The following CTNNA2 variants were observed in gnomAD, a reference collection of about 807,000 sequenced individuals.
CTNNA2 encodes catenin alpha-2.
Under a neutral mutation model 101.0 loss-of-function variants are expected in CTNNA2, and 42 were observed. The ratio of observed to expected loss-of-function variants is 0.42; its 90% CI spans 0.32 to 0.54. The LOEUF (loss-of-function observed/expected upper bound fraction) is 0.54, where lower values mean the gene tolerates loss of function less well. CTNNA2 is among the 20% of genes least tolerant of loss of function. CTNNA2 has a pLI of 0.14. For missense variants in CTNNA2, 871 were observed against 1,223.1 expected (o/e 0.71, Z 4.29); for synonymous variants, 450 against 456.4 (o/e 0.99, Z 0.18).
At chr2:80,098,807 G>A (rs1193988476) in intron 7 of CTNNA2, among the ~76,000 whole-genome samples, 1 of 152,220 alleles carries the variant, frequency 6.6e-6, no homozygotes, top group African/African-American at 2.4e-5. Context: ...CTCTGAGCCA[G>A]GTGCGGGTTA....
chr2:79,402,839 T>C (rs1678304481), intron 4 of CTNNA2, among the ~76,000 whole-genome samples: 1 of 151,660 alleles, frequency 6.6e-6, no homozygotes, highest in South Asian at 2.1e-4. Context: ...TTCACAAACA[T>C]ATGGAAATTA....
At chr2:79,562,277 C>G (rs545533878) in intron 1 of CTNNA2, among the ~76,000 whole-genome samples, 1 of 152,092 alleles carries the variant, frequency 6.6e-6, no homozygotes, top group Admixed American at 6.6e-5. Context: ...GTCTGTGTGT[C>G]TATCCTTATA....
chr2:79,226,987 C>T (rs554327047), intron 2 of CTNNA2, among the ~76,000 whole-genome samples: 97 of 4,742 alleles, frequency 0.02, 1 homozygote, highest in African/African-American at 0.079. Flanking sequence ...GGACAAATTT[C>T]CTCCAAAAAA....
intron 4 of CTNNA2, among the ~76,000 whole-genome samples, chr2:79,391,078 T>TC (rs35946349): frequency 1.3e-5 from 2 of 152,162 alleles, no homozygotes; most frequent in African/African-American, 4.8e-5. Context: ...TTGCCTACTT[T>TC]CCCCATTCCT....
intron 7 of CTNNA2, among the ~76,000 whole-genome samples, chr2:80,279,839 C>G (rs893048294): frequency 7.2e-5 from 11 of 152,056 alleles, no homozygotes; most frequent in African/African-American, 2.7e-4. Flanking sequence ...TTGTCTCACC[C>G]TGAGGTGGGA....
intron 7 of CTNNA2, among the ~76,000 whole-genome samples, chr2:80,272,811 T>TTATTAAATC (rs1351051140): frequency 6.6e-6 from 1 of 152,222 alleles, no homozygotes; most frequent in East Asian, 1.9e-4. Context: ...GTATTTGTGT[T>TTATTAAATC]TATTAAATCT....
At chr2:80,144,747 A>T (rs534591159) in intron 7 of CTNNA2, among the ~76,000 whole-genome samples, 4 of 152,222 alleles carry the variant, frequency 2.6e-5, no homozygotes, top group Non-Finnish European at 5.9e-5. Flanking sequence ...AATCTTCATT[A>T]ACTGCATTAG....
At chr2:80,565,086 T>C (rs1023875170) in intron 12 of CTNNA2, among the ~76,000 whole-genome samples, 1 of 152,154 alleles carries the variant, frequency 6.6e-6, no homozygotes, top group African/African-American at 2.4e-5. Context: ...GGAAATAGTT[T>C]CAAGAGAATA....
At chr2:80,023,880 G>A (rs371362162) in intron 7 of CTNNA2, among the ~76,000 whole-genome samples, 2 of 152,128 alleles carry the variant, frequency 1.3e-5, no homozygotes, top group East Asian at 3.9e-4. Flanking sequence ...GAGGTCAGGA[G>A]ATCGAGACCA....
chr2:80,472,566 T>C (rs905713695), intron 9 of CTNNA2, among the ~76,000 whole-genome samples: 1 of 152,212 alleles, frequency 6.6e-6, no homozygotes, highest in Non-Finnish European at 1.5e-5. Context: ...TTTGACTGAA[T>C]GAAATAAAGT....
chr2:79,238,956 A>C (rs1674589994), intron 2 of CTNNA2, among the ~76,000 whole-genome samples: 1 of 152,268 alleles, frequency 6.6e-6, no homozygotes, highest in South Asian at 2.1e-4. Flanking sequence ...TTTAAAAATA[A>C]ATTTTTATTT....
intron 4 of CTNNA2, among the ~76,000 whole-genome samples, chr2:79,502,565 A>G (rs971007826): frequency 6.6e-6 from 1 of 152,212 alleles, no homozygotes; most frequent in African/African-American, 2.4e-5. Context: ...ATGAATACAG[A>G]TGGAAGAAGA....
chr2:79,666,605 A>G (rs1682436737), intron 2 of CTNNA2, among the ~76,000 whole-genome samples: 1 of 152,192 alleles, frequency 6.6e-6, no homozygotes, highest in African/African-American at 2.4e-5. Flanking sequence ...TAACCACACA[A>G]ATACGGATGG....
intron 3 of CTNNA2, among the ~76,000 whole-genome samples, chr2:79,780,260 A>C (rs1674322555): frequency 6.6e-6 from 1 of 152,180 alleles, no homozygotes; most frequent in African/African-American, 2.4e-5. Context: ...TGGCCGGGCC[A>C]CCATGGCCAC....
At chr2:80,152,859 G>A (rs1296523711) in intron 7 of CTNNA2, among the ~76,000 whole-genome samples, 1 of 152,166 alleles carries the variant, frequency 6.6e-6, no homozygotes, top group Non-Finnish European at 1.5e-5. Context: ...CTTTGGACAT[G>A]ATTGTTAAGA....
chr2:80,171,224 C>T (rs777492009), intron 7 of CTNNA2, among the ~76,000 whole-genome samples: 5 of 152,192 alleles, frequency 3.3e-5, no homozygotes, highest in Non-Finnish European at 4.4e-5. Flanking sequence ...CAGGCACGAT[C>T]GTGCTTGATG....
intron 1 of CTNNA2, chr2:79,547,781 CCAAA>C (rs1292622627): frequency 3.9e-5 from 6 of 152,618 alleles, no homozygotes; most frequent in African/African-American, 1.4e-4. Flanking sequence ...ATGGAAAATA[CCAAA>C]CACTTTTCCA....
chr2:80,516,530 G>A (rs542963871), intron 9 of CTNNA2, among the ~76,000 whole-genome samples: 5 of 152,294 alleles, frequency 3.3e-5, no homozygotes, highest in Admixed American at 1.3e-4. Flanking sequence ...CTGGCTGAGG[G>A]GAGGAGGTCA....
chr2:80,284,997 A>G (rs1255335325), intron 7 of CTNNA2, among the ~76,000 whole-genome samples: 1 of 152,130 alleles, frequency 6.6e-6, no homozygotes, highest in East Asian at 1.9e-4. Flanking sequence ...TGCAAGAATC[A>G]GGAAGGTTGT....
Sources: gnomAD v4.1 joint callset for allele counts (sites outside exome capture counted in the v4.1 genomes callset) on GRCh38, gnomAD v4.1.1 for gene constraint, MANE v1.5 for transcripts, NCBI Gene and HGNC (gene_info 2026-07-23, HGNC 2026-07-21) for gene names.